EHMT2: variants seen among roughly 807,000 people sequenced by gnomAD.
EHMT2 encodes euchromatic histone lysine methyltransferase 2, also known as histone-lysine N-methyltransferase EHMT2.
Under a neutral mutation model 143.3 loss-of-function variants are expected in EHMT2, and 59 were observed. The observed-to-expected ratio is 0.41, with a 90% CI of 0.33 to 0.51. The LOEUF is 0.51. Among genes scored for constraint, EHMT2 ranks in the 20% least tolerant of loss-of-function variants. The pLI is 0.18. For missense variants in EHMT2, 1,174 were observed against 1,645.9 expected (o/e 0.71, Z 4.96); for synonymous variants, 604 against 651.5 (o/e 0.93, Z 1.11).
Position 31,884,613 on chromosome 6 carries a change from G to A in EHMT2, c.2603+32C>T. 1.2e-6 allele frequency: 2 copies of A among 1,603,926 alleles called. No homozygotes were observed. Among genetic ancestry groups the A allele is most frequent in the South Asian group, 1.1e-5 (1 of 90,420 alleles). The stretch of plus-strand genomic sequence containing the variant: ...GGGTCTGAGGCTGCAAGAAGTGGGG[G>A]CAGGGGCATCAAGGGCGGGGCAGGG... On this transcript the variant is annotated intron_variant, in intron 20 of 27. Transcript: ENST00000375537. This position sits in a 1 kb window ranked among gnomAD's most constrained non-coding sequence, Gnocchi z 7.3.
chr6:31,883,668 TG>T lies in EHMT2; in HGVS notation c.2916+137del. ...CCTAGGAAAAGGATCCCTCCCCTGG[TG>T]GGGATGCGACCCCACACCAGGGCTC... On this transcript the variant is annotated intron_variant, in intron 22 of 27. Coordinates refer to ENST00000375537, the Ensembl canonical transcript of EHMT2. The surrounding 1 kb of genome is among the most constrained non-coding windows in gnomAD (Gnocchi z 5.6). 1 of 1,277,404 alleles carries T rather than the reference TG, an allele frequency of 7.8e-7. No individual in the cohort carries two copies. Among genetic ancestry groups the T allele is most frequent in the Non-Finnish European group, 1.1e-6 (1 of 908,236 alleles). The allele number at this position is 1,277,404 out of a possible 1,614,324, so 79.1% of individuals were successfully genotyped here. A position where few individuals can be genotyped will look rare whatever the true frequency, so the allele number is the denominator to read the frequency against.
rs550873373 is a variant in EHMT2 at position 31,897,006 on chromosome 6, G to T, written c.43-17C>A. On this transcript the variant is annotated splice_polypyrimidine_tract_variant and intron_variant, in intron 1 of 27. Coordinates refer to ENST00000375537, the Ensembl canonical transcript of EHMT2. Reference sequence around the variant, plus strand: ...GGCCTCCCCCTGGGAGGGGAGACAAGGGACAGGAGGGCTGGTCAGCCCAGT... The same window carrying T: ...GGCCTCCCCCTGGGAGGGGAGACAATGGACAGGAGGGCTGGTCAGCCCAGT... 1 of 1,553,064 alleles carries T rather than the reference G, an allele frequency of 6.4e-7. No homozygotes were observed.
Position 31,884,037 on chromosome 6 carries a change from C to T in EHMT2, c.2772-87G>A, listed in dbSNP as rs1764471032. The T allele has an allele frequency of 1.3e-6, 2 of 1,497,358 alleles. No individual in the cohort carries two copies. Among genetic ancestry groups the T allele is most frequent in the Admixed American group, 2.1e-5 (1 of 48,596 alleles). The allele number at this position is 1,497,358 out of a possible 1,614,324, so 92.8% of individuals were successfully genotyped here. Reference sequence around the variant, plus strand: ...TATAAGGAAGAGAGTTGGGGAGGTTCCTGGGGCTGGGGGCAGGGGAGTAAG... The same window carrying T: ...TATAAGGAAGAGAGTTGGGGAGGTTTCTGGGGCTGGGGGCAGGGGAGTAAG... On this transcript the variant is annotated intron_variant, in intron 21 of 27. Coordinates refer to ENST00000375537, the Ensembl canonical transcript of EHMT2. This position sits in a 1 kb window ranked among gnomAD's most constrained non-coding sequence, Gnocchi z 7.3.
In EHMT2 at chr6:31,883,676, C is replaced by T. The variant is rs1049423651; in HGVS notation, c.2916+130G>A. 1.5e-5 allele frequency: 20 copies of T among 1,346,656 alleles called. No individual in the cohort carries two copies. The highest frequency in any genetic ancestry group is 7.9e-5 in the South Asian group (6 of 76,410). The allele number at this position is 1,346,656 out of a possible 1,614,324, so 83.4% of individuals were successfully genotyped here. ...AAGGATCCCTCCCCTGGTGGGGATG[C>T]GACCCCACACCAGGGCTCCCTTTCA... is the stretch of plus-strand genomic sequence containing the variant. On this transcript the variant is annotated intron_variant, in intron 22 of 27. Transcript: ENST00000375537. The surrounding 1 kb of genome is among the most constrained non-coding windows in gnomAD (Gnocchi z 5.6).
intron 5 of EHMT2, 27 bp from the exon 6 acceptor site, chr6:31,892,761 G>A (rs1765871292): frequency 6.2e-7 from 1 of 1,612,922 alleles, no homozygotes; most frequent in Non-Finnish European, 8.5e-7. Context: ...AATGGTGTGG[G>A]GCCTATCACC....
Position 31,896,833 on chromosome 6 carries a change from GAAGAGA to G in EHMT2, c.110-15_110-10del. The G allele has an allele frequency of 6.2e-7, 1 of 1,612,786 alleles. No homozygotes were observed. The highest frequency in any genetic ancestry group is 8.5e-7 in the Non-Finnish European group (1 of 1,179,958). On this transcript the variant is annotated splice_polypyrimidine_tract_variant and intron_variant, in intron 2 of 27. Transcript: ENST00000375537. The stretch of plus-strand genomic sequence containing the variant: ...CCCCAAAGAGCCATGAACTGTAGAG[GAAGAGA>G]AAAAGTTCAGAGCTAAGGGCTCAGG...
rs1765304465 is a variant in EHMT2 at position 31,888,997 on chromosome 6, G to A, written c.1188C>T (p.Ser396=). The change falls in exon 10 of 28, where the codon AGC becomes AGT. Residue 396 remains serine, a synonymous_variant. Coordinates refer to ENST00000375537, the Ensembl canonical transcript of EHMT2. The surrounding 1 kb of genome is among the most constrained non-coding windows in gnomAD (Gnocchi z 7.4). Reference sequence around the variant, plus strand: ...CGTGGTTGGGGGAGAGGGTCCCCTCGCTGGGCAGCTCCAGGGACCCCAGAG... The same window carrying A: ...CGTGGTTGGGGGAGAGGGTCCCCTCACTGGGCAGCTCCAGGGACCCCAGAG... The A allele has an allele frequency of 1.2e-6, 2 of 1,600,050 alleles. No individual in the cohort carries two copies.
chr6:31,897,346 C>T, intron 1 of EHMT2: 1 of 472,732 alleles, frequency 2.1e-6, no homozygotes, highest in Non-Finnish European at 3.4e-6. Context: ...GCACCCGCTG[C>T]CCCCCAGCCC....
At chr6:31,896,335 G>A (rs372368219) in exon 4 of EHMT2, 1 of 1,613,028 alleles carries the variant, frequency 6.2e-7, no homozygotes. Context: ...GGCTCGTGGT[G>A]GCTGGAGGGG....
At chr6:31,893,322 A>G in intron 4 of EHMT2, 1 of 443,754 alleles carries the variant, frequency 2.3e-6, no homozygotes, top group South Asian at 1.7e-5. Flanking sequence ...TAAAAAGGAA[A>G]GATATACTTT....
intron 1 of EHMT2, 180 bp from the exon 2 acceptor site, chr6:31,897,169 G>C: frequency 7.6e-7 from 1 of 1,311,864 alleles, no homozygotes; most frequent in East Asian, 3.1e-5. Context: ...CCCCGGGCCC[G>C]CATCAACCCC....
exon 2 of EHMT2, chr6:31,896,930 G>A (rs1193175979): frequency 1.3e-6 from 2 of 1,599,576 alleles, no homozygotes; most frequent in East Asian, 2.2e-5. Context: ...CACCTCTCTC[G>A]GTGGCTCCTC....
Position 31,897,008 on chromosome 6 carries a change from G to A in EHMT2, c.43-19C>T, listed in dbSNP as rs1477030699. The A allele has an allele frequency of 5.2e-6, 8 of 1,553,052 alleles. No homozygotes were observed. Among genetic ancestry groups the A allele is most frequent in the Non-Finnish European group, 2.6e-6 (3 of 1,155,166 alleles). On this transcript the variant is annotated intron_variant, in intron 1 of 27. Coordinates refer to ENST00000375537, the Ensembl canonical transcript of EHMT2. ...CCTCCCCCTGGGAGGGGAGACAAGGGACAGGAGGGCTGGTCAGCCCAGTAG... is the reference window on the plus strand; with the variant it reads ...CCTCCCCCTGGGAGGGGAGACAAGGAACAGGAGGGCTGGTCAGCCCAGTAG...
At position 31,888,112 on chromosome 6, in the gene EHMT2, G is replaced by A. The variant is rs141566932; in HGVS notation, c.1674C>T (p.Ala558=). ...GTGGGGGTGCAGGAGCTGCAGTGCC[G>A]GCCGGTGGGGTCACCCCGTCACCCC... The change falls in exon 13 of 28, where the codon GCC becomes GCT. Residue 558 remains alanine (A), a synonymous_variant. Coordinates refer to ENST00000375537, the Ensembl canonical transcript of EHMT2. This position sits in a 1 kb window ranked among gnomAD's most constrained non-coding sequence, Gnocchi z 7.4. The A allele has an allele frequency of 4.5e-5, 72 of 1,611,772 alleles. No homozygotes were observed. The highest frequency in any genetic ancestry group is 2.8e-4 in the African/African-American group (21 of 75,028).
At chr6:31,897,537 C>G in intron 1 of EHMT2, 99 bp downstream of exon 1, 3 of 1,002,306 alleles carry the variant, frequency 3.0e-6, no homozygotes, top group Non-Finnish European at 3.7e-6. Flanking sequence ...CCGCCCGGGC[C>G]CCCCGGCCCC....
chr6:31,896,990 C>T lies in EHMT2; in HGVS notation c.43-1G>A. ...CCCCCATCTCAGCGGGGGCCTCCCC[C>T]TGGGAGGGGAGACAAGGGACAGGAG... On this transcript the variant is annotated splice_acceptor_variant, in intron 1 of 27. Coordinates refer to ENST00000375537, the Ensembl canonical transcript of EHMT2. LOFTEE classifies it high-confidence loss of function. The T allele has an allele frequency of 6.4e-7, 1 of 1,566,254 alleles. No individual in the cohort carries two copies. The highest frequency in any genetic ancestry group is 8.6e-7 in the Non-Finnish European group (1 of 1,160,594).
At chr6:31,896,411 T>C in exon 4 of EHMT2, 1 of 1,613,034 alleles carries the variant, frequency 6.2e-7, no homozygotes, top group South Asian at 1.1e-5. Flanking sequence ...AGCCAAACTC[T>C]GGACAGATGG....
At position 31,896,919 on chromosome 6, in the gene EHMT2, T is replaced by A; in HGVS notation, c.109+4A>T. 6.2e-7 allele frequency: 1 copy of A among 1,603,826 alleles called. No individual in the cohort carries two copies. Among genetic ancestry groups the A allele is most frequent in the Non-Finnish European group, 8.5e-7 (1 of 1,176,480 alleles). ...CAATTGGGGCCCGTTTTAGCTGCAC[T>A]CACCTCTCTCGGTGGCTCCTCTGGT... On this transcript the variant is annotated splice_donor_region_variant and intron_variant, in intron 2 of 27. Coordinates refer to ENST00000375537, the Ensembl canonical transcript of EHMT2.
chr6:31,897,666 C>A (rs1766760688), exon 1 of EHMT2: 3 of 1,165,448 alleles, frequency 2.6e-6, no homozygotes, highest in Non-Finnish European at 2.1e-6. Context: ...CAGCTCCCGC[C>A]GCCGCCGCCA....
Sources: allele counts gnomAD v4.1 joint callset, GRCh38; gene constraint gnomAD v4.1.1; non-coding constraint Gnocchi (gnomAD v3.1); transcripts MANE v1.5; gene names NCBI Gene and HGNC (gene_info 2026-07-23, HGNC 2026-07-21).